The following PHACTR1 variants were observed in gnomAD, a reference collection of about 807,000 sequenced individuals.
PHACTR1 encodes the protein phosphatase and actin regulator 1.
In PHACTR1, 16 loss-of-function variants were observed where a neutral mutation model predicts 69.2. That is an observed-to-expected ratio of 0.23 (90% CI 0.16 to 0.35). The LOEUF (loss-of-function observed/expected upper bound fraction) is 0.35. PHACTR1 is among the 10% of genes least tolerant of loss of function. The probability of loss-of-function intolerance (pLI) is 1.00; values close to 1 mark genes in which losing one functional copy is unlikely to be tolerated. For missense variants in PHACTR1, 510 were observed against 734.7 expected (o/e 0.69, Z 3.54); for synonymous variants, 312 against 284.5 (o/e 1.10, Z -0.97).
At chr6:12,872,684 C>T (rs1350077673) in intron 4 of PHACTR1, among the ~76,000 whole-genome samples, 1 of 152,138 alleles carries the variant, frequency 6.6e-6, no homozygotes, top group Non-Finnish European at 1.5e-5. Context: ...AGTTCAACTT[C>T]TTTCCCCCAT....
At chr6:13,037,897 A>T (rs1014758610) in intron 4 of PHACTR1, among the ~76,000 whole-genome samples, 1 of 152,192 alleles carries the variant, frequency 6.6e-6, no homozygotes, top group Non-Finnish European at 1.5e-5. Flanking sequence ...AGTTTTGATG[A>T]TGAGTTAGAG....
chr6:13,228,734 A>G (rs1042302979), intron 9 of PHACTR1, among the ~76,000 whole-genome samples: 6 of 152,250 alleles, frequency 3.9e-5, no homozygotes, highest in Admixed American at 6.5e-5. Context: ...TCTCACAACA[A>G]CCCTGAGGCA....
chr6:12,934,706 C>CG (rs1312340506), intron 4 of PHACTR1, among the ~76,000 whole-genome samples: 2 of 151,978 alleles, frequency 1.3e-5, no homozygotes, highest in Admixed American at 6.6e-5. Context: ...TGTGGTAGCA[C>CG]GCGCCTGTAA....
At chr6:13,276,837 A>G (rs1314119157) in intron 11 of PHACTR1, among the ~76,000 whole-genome samples, 2 of 152,254 alleles carry the variant, frequency 1.3e-5, no homozygotes, top group Non-Finnish European at 2.9e-5. Context: ...TGAGACAATC[A>G]GCAACCATAC....
Position 13,002,802 on chromosome 6 carries a change from C to T in PHACTR1, c.251-50563C>T, listed in dbSNP as rs115476199. On this transcript the variant is annotated intron_variant, in intron 4 of 14. Transcript: ENST00000332995. ...TATGATAATATGCCCTCTATGGGCTCATGAATGTATTAACAGAAAAGCTTG... is the reference window on the plus strand; with the variant it reads ...TATGATAATATGCCCTCTATGGGCTTATGAATGTATTAACAGAAAAGCTTG... Among the ~76,000 whole-genome samples, 617 of 152,242 alleles carry T rather than the reference C, an allele frequency of 4.1e-3. 7 individuals carry two copies. Among genetic ancestry groups the T allele is most frequent in the African/African-American group, 0.014 (600 of 41,528 alleles).
At chr6:13,131,588 AC>A (rs1392716814) in intron 5 of PHACTR1, among the ~76,000 whole-genome samples, 4 of 152,274 alleles carry the variant, frequency 2.6e-5, no homozygotes, top group Admixed American at 2.6e-4. Context: ...TTACCCAAAA[AC>A]AATTGAAATA....
chr6:12,764,179 G>A (rs1768350673), intron 4 of PHACTR1, among the ~76,000 whole-genome samples: 1 of 152,208 alleles, frequency 6.6e-6, no homozygotes, highest in African/African-American at 2.4e-5. Context: ...TTCAGAACTA[G>A]AAGGAAATGA....
At chr6:13,224,494 G>A (rs899463496) in intron 8 of PHACTR1, among the ~76,000 whole-genome samples, 3 of 152,190 alleles carry the variant, frequency 2.0e-5, no homozygotes, top group Non-Finnish European at 4.4e-5. Flanking sequence ...TGGCAGGCAC[G>A]TGACATTATG....
At chr6:12,954,737 T>A (rs1280253718) in intron 4 of PHACTR1, among the ~76,000 whole-genome samples, 1 of 152,246 alleles carries the variant, frequency 6.6e-6, no homozygotes, top group Non-Finnish European at 1.5e-5. Context: ...CCAGGCTTAT[T>A]TGATGTTTTA....
At chr6:12,796,890 T>C (rs1398382124) in intron 4 of PHACTR1, among the ~76,000 whole-genome samples, 1 of 152,138 alleles carries the variant, frequency 6.6e-6, no homozygotes, top group East Asian at 1.9e-4. Flanking sequence ...ATCGCCTCCA[T>C]TTTACAGAAG....
chr6:13,182,006 G>A (rs1762240002), intron 6 of PHACTR1, among the ~76,000 whole-genome samples: 1 of 152,200 alleles, frequency 6.6e-6, no homozygotes, highest in African/African-American at 2.4e-5. Flanking sequence ...GGCCCAGGTG[G>A]GCGGATCACC....
chr6:12,735,174 G>A (rs1764069134), intron 3 of PHACTR1, among the ~76,000 whole-genome samples: 1 of 152,136 alleles, frequency 6.6e-6, no homozygotes, highest in South Asian at 2.1e-4. Context: ...CATCTAGCAG[G>A]AGGCTTTGAT....
At chr6:12,950,440 C>T (rs998196824) in intron 4 of PHACTR1, among the ~76,000 whole-genome samples, 2 of 152,170 alleles carry the variant, frequency 1.3e-5, no homozygotes, top group Admixed American at 1.3e-4. Flanking sequence ...AATTAGATTC[C>T]ACCACTTGAT....
At chr6:12,820,564 T>A (rs1308934912) in intron 4 of PHACTR1, among the ~76,000 whole-genome samples, 1 of 152,182 alleles carries the variant, frequency 6.6e-6, no homozygotes, top group African/African-American at 2.4e-5. Flanking sequence ...CTCCTCCTGC[T>A]CTCCTCTCTT....
chr6:13,003,582 C>G (rs1402078112), intron 4 of PHACTR1, among the ~76,000 whole-genome samples: 1 of 151,854 alleles, frequency 6.6e-6, no homozygotes, highest in Non-Finnish European at 1.5e-5. Context: ...ATTACTGCTT[C>G]TTTTAAAAAA....
chr6:13,161,250 T>C (rs560936434), intron 6 of PHACTR1, among the ~76,000 whole-genome samples: 3 of 152,288 alleles, frequency 2.0e-5, no homozygotes, highest in Admixed American at 2.0e-4. Flanking sequence ...AGTGCTGGGA[T>C]TACAGGCGTG....
rs869092852 is a variant in PHACTR1, at chr6:13,195,757, C to CAAAAAAAAAAAAAAAAAAAAAAA, written c.665-10057_665-10035dup. On this transcript the variant is annotated intron_variant, in intron 7 of 14. Transcript: ENST00000332995. ...TGGGCGACAGAGAGAGACACCGTCT[C>CAAAAAAAAAAAAAAAAAAAAAAA]AAAAAAAAAAAAAAAAAAAAAAAGT... is the stretch of plus-strand genomic sequence containing the variant. 1.2e-3 allele frequency among the ~76,000 whole-genome samples: 48 copies of CAAAAAAAAAAAAAAAAAAAAAAA among 41,496 alleles called. 4 individuals carry two copies. The highest frequency in any genetic ancestry group is 1.5e-3 in the African/African-American group (17 of 11,598). The allele number at this position is 41,496 out of a possible 152,430, so 27.2% of individuals were successfully genotyped here.
intron 4 of PHACTR1, among the ~76,000 whole-genome samples, chr6:12,979,203 C>T (rs573632450): frequency 3.1e-3 from 479 of 152,324 alleles, no homozygotes; most frequent in Non-Finnish European, 5.4e-3. Flanking sequence ...GTGGAGGAGG[C>T]GGAAGAGTGA....
intron 4 of PHACTR1, among the ~76,000 whole-genome samples, chr6:12,978,182 T>A (rs1795113028): frequency 6.6e-6 from 1 of 152,174 alleles, no homozygotes; most frequent in South Asian, 2.1e-4. Context: ...TACCATCCAC[T>A]CTACTCCTCC....
Sources: allele counts gnomAD v4.1 joint callset (sites outside exome capture counted in the v4.1 genomes callset), GRCh38; gene constraint gnomAD v4.1.1; transcripts MANE v1.5; gene names NCBI Gene and HGNC (gene_info 2026-07-23, HGNC 2026-07-21).